Variants in DEPDC1B observed in about 807,000 individuals in gnomAD.
DEPDC1B encodes DEP domain containing 1B, also known as DEP domain-containing protein 1B.
A neutral mutation model predicts 66.5 loss-of-function variants in DEPDC1B; 51 were observed. That is an observed-to-expected ratio of 0.77 (90% confidence interval 0.61 to 0.97). The LOEUF (loss-of-function observed/expected upper bound fraction) is 0.97. DEPDC1B is among the 50% of genes least tolerant of loss of function. DEPDC1B has a pLI of 0.00. For missense variants in DEPDC1B, 552 were observed against 637.1 expected, an observed-to-expected ratio of 0.87 and a Z score of 1.44; for synonymous variants, 226 against 223.6, an observed-to-expected ratio of 1.01 and a Z score of -0.10.
At chr5:60,669,809 C>T (rs1753986817) in intron 2 of DEPDC1B, among the ~76,000 whole-genome samples, 1 of 152,010 alleles carries the variant, frequency 6.6e-6, no homozygotes, top group African/African-American at 2.4e-5. Context: ...GAGAGGTGAG[C>T]TTATCTGAAA....
chr5:60,600,792 C>T (rs1457771935), intron 9 of DEPDC1B, among the ~76,000 whole-genome samples: 1 of 152,198 alleles, frequency 6.6e-6, no homozygotes, highest in African/African-American at 2.4e-5. Context: ...ACAATATATG[C>T]CTGTGCTATG....
chr5:60,695,745 T>A (rs1715992750), intron 1 of DEPDC1B, among the ~76,000 whole-genome samples: 1 of 152,334 alleles, frequency 6.6e-6, no homozygotes, highest in South Asian at 2.1e-4. Flanking sequence ...CAAGTATAAA[T>A]CCCTGGTAGG....
At position 60,699,443 on chromosome 5, in the gene DEPDC1B, G is replaced by GAAAAAAAAAAAAAAAAAAAA. The variant is rs528758437; in HGVS notation, c.48+602_48+603insTTTTTTTTTTTTTTTTTTTT. Among the ~76,000 whole-genome samples, 23 of 89,360 alleles carry GAAAAAAAAAAAAAAAAAAAA rather than the reference G, an allele frequency of 2.6e-4. 3 individuals carry two copies. The highest frequency in any genetic ancestry group is 3.8e-4 in the African/African-American group (7 of 18,190). The allele number at this position is 89,360 out of a possible 152,430, so 58.6% of individuals were successfully genotyped here. A position where few individuals can be genotyped will look rare whatever the true frequency, so the allele number is the denominator to read the frequency against. On this transcript the variant is annotated intron_variant, in intron 1 of 10. Coordinates refer to ENST00000265036, the MANE Select transcript of DEPDC1B (RefSeq NM_018369.3). ...CCTCAATACCAAAGCTTTTCTCCCA[G>GAAAAAAAAAAAAAAAAAAAA]AAAAAAAAAAAAAAAAAAACAGGAA...
intron 2 of DEPDC1B, among the ~76,000 whole-genome samples, chr5:60,656,262 G>A (rs370406305): frequency 4.0e-5 from 6 of 150,326 alleles, no homozygotes; most frequent in African/African-American, 9.8e-5. Context: ...CTGGGTTCAC[G>A]CCATTCTCCT....
chr5:60,605,268 A>G (rs1392747835), intron 8 of DEPDC1B, among the ~76,000 whole-genome samples: 1 of 152,176 alleles, frequency 6.6e-6, no homozygotes, highest in Non-Finnish European at 1.5e-5. Flanking sequence ...ATAATAATAT[A>G]TTGTATATTT....
intron 7 of DEPDC1B, among the ~76,000 whole-genome samples, chr5:60,606,370 C>T (rs1053658429): frequency 9.2e-5 from 14 of 152,102 alleles, no homozygotes; most frequent in African/African-American, 3.4e-4. Context: ...TAAATAATGC[C>T]TTTCAAATAA....
intron 2 of DEPDC1B, among the ~76,000 whole-genome samples, chr5:60,657,691 T>C (rs1165960118): frequency 3.3e-5 from 5 of 152,222 alleles, no homozygotes; most frequent in African/African-American, 1.2e-4. Flanking sequence ...CTTTGTAGGT[T>C]ACCTGGTGCT....
chr5:60,659,196 A>G (rs1753648298), intron 2 of DEPDC1B, among the ~76,000 whole-genome samples: 1 of 152,182 alleles, frequency 6.6e-6, no homozygotes, highest in Admixed American at 6.5e-5. Flanking sequence ...GCTTGCAGCC[A>G]TCTTGGGAGC....
intron 2 of DEPDC1B, among the ~76,000 whole-genome samples, chr5:60,671,159 G>A (rs961964599): frequency 1.3e-5 from 2 of 152,188 alleles, no homozygotes; most frequent in Non-Finnish European, 2.9e-5. Context: ...GGTGATGGCT[G>A]ACAGTAAGGG....
At chr5:60,622,383 T>C (rs1455033549) in intron 7 of DEPDC1B, among the ~76,000 whole-genome samples, 2 of 152,218 alleles carry the variant, frequency 1.3e-5, no homozygotes, top group African/African-American at 2.4e-5. Context: ...TATGTACCCA[T>C]AGTTTATTTT....
At chr5:60,630,183 G>T (rs1752891542) in intron 7 of DEPDC1B, among the ~76,000 whole-genome samples, 1 of 152,128 alleles carries the variant, frequency 6.6e-6, no homozygotes, top group African/African-American at 2.4e-5. Context: ...TTCTCAAAAT[G>T]GTTTATTAGA....
At chr5:60,598,388 T>C (rs1458475874) in intron 10 of DEPDC1B, among the ~76,000 whole-genome samples, 2 of 152,160 alleles carry the variant, frequency 1.3e-5, no homozygotes, top group Non-Finnish European at 2.9e-5. Context: ...TCCTCCAAAA[T>C]TACTCTGAGA....
chr5:60,670,723 C>G (rs1218439549), intron 2 of DEPDC1B, among the ~76,000 whole-genome samples: 1 of 152,162 alleles, frequency 6.6e-6, no homozygotes, highest in African/African-American at 2.4e-5. Context: ...AGGGTGGAAG[C>G]AGGAGTGGCC....
intron 2 of DEPDC1B, among the ~76,000 whole-genome samples, chr5:60,655,027 T>G (rs1753545367): frequency 6.7e-6 from 1 of 149,166 alleles, no homozygotes; most frequent in Admixed American, 6.7e-5. Flanking sequence ...TTCGGTTAGG[T>G]AGTATTTTAT....
chr5:60,660,941 T>C (rs1424022093), intron 2 of DEPDC1B, among the ~76,000 whole-genome samples: 1 of 152,214 alleles, frequency 6.6e-6, no homozygotes, highest in Non-Finnish European at 1.5e-5. Flanking sequence ...GGGAAACTCT[T>C]GTAAAAGCAG....
intron 2 of DEPDC1B, among the ~76,000 whole-genome samples, chr5:60,656,767 G>A (rs1189848199): frequency 6.6e-6 from 1 of 152,038 alleles, no homozygotes; most frequent in Non-Finnish European, 1.5e-5. Context: ...ACTCTCAGGG[G>A]AACAGCATGA....
At chr5:60,656,413 G>T (rs1405364011) in intron 2 of DEPDC1B, among the ~76,000 whole-genome samples, 1 of 152,100 alleles carries the variant, frequency 6.6e-6, no homozygotes, top group Non-Finnish European at 1.5e-5. Context: ...CTCCCAAAGT[G>T]CTGGGATTAC....
chr5:60,646,888 A>C (rs34414908), intron 3 of DEPDC1B, among the ~76,000 whole-genome samples: 13,360 of 152,120 alleles, frequency 0.088, 1,172 homozygotes, highest in African/African-American at 0.22. Context: ...GCTCCTTATG[A>C]GAATCTAATG....
intron 1 of DEPDC1B, among the ~76,000 whole-genome samples, chr5:60,688,251 T>C (rs1473764342): frequency 6.6e-6 from 1 of 152,050 alleles, no homozygotes; most frequent in African/African-American, 2.4e-5. Context: ...ACTAGATACC[T>C]CAAATAATAT....
Sources: allele counts gnomAD v4.1 joint callset (sites outside exome capture counted in the v4.1 genomes callset), GRCh38; gene constraint gnomAD v4.1.1; transcripts MANE v1.5; gene names NCBI Gene and HGNC (gene_info 2026-07-23, HGNC 2026-07-21).